GNB1: variants seen among roughly 807,000 people sequenced by gnomAD.
The protein encoded by GNB1 is G protein subunit beta 1.
Under a neutral mutation model 42.9 loss-of-function variants are expected in GNB1, and 2 were observed. The ratio of observed to expected loss-of-function variants is 0.05; its 90% CI spans 0.02 to 0.15. The LOEUF (loss-of-function observed/expected upper bound fraction) is 0.15, where lower values mean the gene tolerates loss of function less well. Ranked by LOEUF, GNB1 falls within the 10% of genes least tolerant of loss-of-function variation. The probability of loss-of-function intolerance (pLI) is 1.00; values close to 1 mark genes in which losing one functional copy is unlikely to be tolerated. For synonymous variants in GNB1, 183 were observed against 174.7 expected (o/e 1.05, Z -0.38); for missense variants, 193 against 462.2 (o/e 0.42, Z 5.34).
In GNB1 at chr1:1,787,712, A is replaced by C. The variant is rs1646424964; in HGVS notation, c.917-275T>G. Among the ~76,000 whole-genome samples, 1 of 152,196 alleles carries C rather than the reference A, an allele frequency of 6.6e-6. No individual in the cohort carries two copies. The highest frequency in any genetic ancestry group is 6.5e-5 in the Admixed American group (1 of 15,270). On this transcript the variant is annotated intron_variant, in intron 10 of 11. Coordinates refer to ENST00000378609, the MANE Select transcript of GNB1 (RefSeq NM_002074.5). This position sits in a 1 kb window ranked among gnomAD's most constrained non-coding sequence, Gnocchi z 4.4. ...CAGCACTCACTTATAAAACTTAAAA[A>C]AAGAAGCAAAGGCCACTATCAAAAA...
intron 1 of GNB1, among the ~76,000 whole-genome samples, chr1:1,867,159 C>T (rs1434074569): frequency 1.3e-5 from 2 of 151,976 alleles, no homozygotes; most frequent in Non-Finnish European, 1.5e-5. Flanking sequence ...CCCAGCTACT[C>T]GGGAGGCTGA....
At chr1:1,870,939 A>G (rs1557943744) in intron 1 of GNB1, among the ~76,000 whole-genome samples, 3 of 152,058 alleles carry the variant, frequency 2.0e-5, no homozygotes, top group Non-Finnish European at 4.4e-5. Flanking sequence ...AAAAATAAAC[A>G]ATAAAATAAA....
intron 1 of GNB1, among the ~76,000 whole-genome samples, chr1:1,881,656 T>TC (rs1039385573): frequency 1.6e-4 from 24 of 152,302 alleles, no homozygotes; most frequent in South Asian, 8.3e-4. Flanking sequence ...CGCCCTGGCC[T>TC]CCCAAAGTGG....
intron 5 of GNB1, among the ~76,000 whole-genome samples, chr1:1,810,673 T>C (rs1426278679): frequency 1.3e-5 from 2 of 152,028 alleles, no homozygotes; most frequent in African/African-American, 4.8e-5. Context: ...TTTTCTTTTT[T>C]GTTTGTTTTT....
intron 1 of GNB1, among the ~76,000 whole-genome samples, chr1:1,842,038 T>C (rs1313665718): frequency 6.6e-6 from 1 of 152,244 alleles, no homozygotes; most frequent in Non-Finnish European, 1.5e-5. Flanking sequence ...CCGAGCGTGG[T>C]GGCTCACGCC....
chr1:1,793,324 A>G lies in GNB1; in HGVS notation c.431-13T>C. 1 of 1,603,550 alleles carries G rather than the reference A, an allele frequency of 6.2e-7. No individual in the cohort carries two copies. Among genetic ancestry groups the G allele is most frequent in the Non-Finnish European group, 8.5e-7 (1 of 1,170,978 alleles). ...CAGGACAGGTAACCTGGCAAAGAAC[A>G]GGCCTAAGTGATGAGCTGAATCCAG... On this transcript the variant is annotated splice_polypyrimidine_tract_variant and intron_variant, in intron 7 of 11. Coordinates refer to ENST00000378609, the MANE Select transcript of GNB1 (RefSeq NM_002074.5).
At chr1:1,851,414 GAAAAAAA>G (rs61558279) in intron 1 of GNB1, among the ~76,000 whole-genome samples, 2 of 118,784 alleles carry the variant, frequency 1.7e-5, no homozygotes, top group African/African-American at 3.5e-5. Flanking sequence ...CCATCTCAAA[GAAAAAAA>G]AAAAAAAAAA....
In GNB1 at chr1:1,825,385, A is replaced by G. The variant is rs1363110684; in HGVS notation, c.57+12T>C. 6.3e-7 allele frequency: 1 copy of G among 1,596,250 alleles called. No individual in the cohort carries two copies. On this transcript the variant is annotated intron_variant, in intron 3 of 11. Coordinates refer to ENST00000378609, the MANE Select transcript of GNB1 (RefSeq NM_002074.5). ...AAATGATTAATAAAACCAAGCACAC[A>G]CAACTACATACTCGAATCTGGTTCT...
At chr1:1,853,411 G>A (rs1648094893) in intron 1 of GNB1, among the ~76,000 whole-genome samples, 1 of 152,046 alleles carries the variant, frequency 6.6e-6, no homozygotes, top group Non-Finnish European at 1.5e-5. Context: ...CAAACACATG[G>A]GCACGAACAC....
Position 1,812,077 on chromosome 1 carries a change from C to A in GNB1, c.203+3679G>T, listed in dbSNP as rs528354168. ...CGAGACTCCGTCTCAAAAAAAAAAACCCAAAAAAACTGGTATTCATAAATT... is the reference window on the plus strand; with the variant it reads ...CGAGACTCCGTCTCAAAAAAAAAAAACCAAAAAAACTGGTATTCATAAATT... On this transcript the variant is annotated intron_variant, in intron 5 of 11. Transcript: ENST00000378609. Among the ~76,000 whole-genome samples the A allele has an allele frequency of 2.9e-4, 44 of 149,898 alleles. No individual in the cohort carries two copies. In the South Asian group the frequency reaches 4.6e-3, roughly 16 times the overall value.
chr1:1,796,498 G>A (rs1448758811), intron 7 of GNB1, among the ~76,000 whole-genome samples: 1 of 152,252 alleles, frequency 6.6e-6, no homozygotes, highest in Non-Finnish European at 1.5e-5. Context: ...GATGGGAGGA[G>A]CAGAGCTGTC....
rs1208184341 is a variant in GNB1, at chr1:1,789,217, C to T, written c.752G>A (p.Arg251Lys). Residue 251 changes from arginine to lysine, a missense_variant, in exon 10 of 12, where the codon AGG becomes AAG. By Grantham distance (26) the Arg-to-Lys change is conservative. Transcript: ENST00000378609. The part of the protein sequence containing the change: ...FATGSDDATC[R>K]LFDLRADQEL... ...CTGGTCAGCACGAAGGTCAAACAGCCTGCAGGTGGCGTCGTCTGAGCCAGT... is the reference window on the plus strand; with the variant it reads ...CTGGTCAGCACGAAGGTCAAACAGCTTGCAGGTGGCGTCGTCTGAGCCAGT... 1 of 1,613,810 alleles carries T rather than the reference C, an allele frequency of 6.2e-7. No individual in the cohort carries two copies. Among genetic ancestry groups the T allele is most frequent in the Admixed American group, 1.7e-5 (1 of 60,026 alleles).
intron 5 of GNB1, 53 bp downstream of exon 5, chr1:1,815,703 A>G: frequency 1.0e-6 from 1 of 961,796 alleles, no homozygotes; most frequent in South Asian, 1.3e-5. Context: ...CCCTAGGACA[A>G]CAGAGCAGCC....
intron 1 of GNB1, among the ~76,000 whole-genome samples, chr1:1,842,868 C>T (rs1182333990): frequency 6.6e-6 from 1 of 152,218 alleles, no homozygotes; most frequent in Admixed American, 6.5e-5. Flanking sequence ...CCCCAGACTT[C>T]AGGAAGCGAA....
At chr1:1,844,051 T>C (rs1012044226) in intron 1 of GNB1, among the ~76,000 whole-genome samples, 7 of 151,730 alleles carry the variant, frequency 4.6e-5, no homozygotes, top group African/African-American at 1.2e-4. Flanking sequence ...AAAAATTAGC[T>C]GGGCGTGGTG....
At chr1:1,800,950 C>T (rs1006478555) in intron 7 of GNB1, among the ~76,000 whole-genome samples, 7 of 152,224 alleles carry the variant, frequency 4.6e-5, no homozygotes, top group African/African-American at 1.2e-4. Flanking sequence ...GCCGAAAGGA[C>T]GCCCGCAGAA....
chr1:1,836,684 G>A (rs769235643), intron 2 of GNB1, among the ~76,000 whole-genome samples: 13 of 151,950 alleles, frequency 8.6e-5, no homozygotes, highest in Non-Finnish European at 1.8e-4. Flanking sequence ...CCAAATGGCC[G>A]GGATTATAGG....
At chr1:1,847,915 G>A (rs936457844) in intron 1 of GNB1, among the ~76,000 whole-genome samples, 3 of 152,140 alleles carry the variant, frequency 2.0e-5, no homozygotes, top group South Asian at 2.1e-4. Flanking sequence ...GGTGCCAAAC[G>A]ATGAGAAAGA....
Position 1,787,154 on chromosome 1 carries a change from G to A in GNB1, c.*10-101C>T, listed in dbSNP as rs1463393349. The A allele has an allele frequency of 9.3e-6, 5 of 535,014 alleles. No homozygotes were observed. Among genetic ancestry groups the A allele is most frequent in the East Asian group, 6.6e-5 (2 of 30,156 alleles). The allele number at this position is 535,014 out of a possible 1,614,324, so 33.1% of individuals were successfully genotyped here. ...TCTTCCCATCACTGCATGAGTGTCT[G>A]CAGCTGAGGGCACGTGACTTCAGCT... On this transcript the variant is annotated intron_variant, in intron 11 of 11. Coordinates refer to ENST00000378609, the MANE Select transcript of GNB1 (RefSeq NM_002074.5). The surrounding 1 kb of genome is among the most constrained non-coding windows in gnomAD (Gnocchi z 4.4).
Sources: gnomAD v4.1 joint callset for allele counts (sites outside exome capture counted in the v4.1 genomes callset) on GRCh38, gnomAD v4.1.1 for gene constraint, Gnocchi (gnomAD v3.1) non-coding constraint, MANE v1.5 for transcripts, NCBI Gene and HGNC (gene_info 2026-07-23, HGNC 2026-07-21) for gene names.